CUX1: variants seen among roughly 807,000 people sequenced by gnomAD.
The protein encoded by CUX1 is cut like homeobox 1.
In CUX1, 31 loss-of-function variants were observed where a neutral mutation model predicts 158.8. That is an observed-to-expected ratio of 0.20 (90% CI 0.15 to 0.26). CUX1 has a LOEUF of 0.26. CUX1 is among the 10% of genes least tolerant of loss of function. The probability of loss-of-function intolerance (pLI) is 1.00; values close to 1 mark genes in which losing one functional copy is unlikely to be tolerated. For synonymous variants in CUX1, 879 were observed against 862.1 expected (o/e 1.02, Z -0.34); for missense variants, 1,589 against 2,014.6 (o/e 0.79, Z 4.04).
At chr7:102,149,543 G>A (rs1180622194) in intron 8 of CUX1, among the ~76,000 whole-genome samples, 1 of 152,186 alleles carries the variant, frequency 6.6e-6, no homozygotes, top group African/African-American at 2.4e-5. Flanking sequence ...TCCCTTGGGT[G>A]TGGTTCATGG....
At chr7:101,923,861 C>T (rs547671487) in intron 2 of CUX1, among the ~76,000 whole-genome samples, 2 of 152,344 alleles carry the variant, frequency 1.3e-5, no homozygotes, top group South Asian at 4.1e-4. Flanking sequence ...TGCCCATCCA[C>T]TTTCTTTTCC....
At chr7:102,216,611 CACACT>C (rs1554524733) in intron 20 of CUX1, among the ~76,000 whole-genome samples, 6 of 86,074 alleles carry the variant, frequency 7.0e-5, no homozygotes, top group South Asian at 4.9e-4. Context: ...CACACACACA[CACACT>C]CCCCACACAC....
In CUX1 at chr7:102,201,841, C is replaced by T. The variant is rs373275150; in HGVS notation, c.2544C>T (p.Gly848=). 7 of 1,612,808 alleles carry T rather than the reference C, an allele frequency of 4.3e-6. No individual in the cohort carries two copies. The highest frequency in any genetic ancestry group is 1.3e-5 in the African/African-American group (1 of 74,752). The change falls in exon 18 of 24, where the codon GGC becomes GGT. Residue 848 remains glycine (G), a synonymous_variant. Coordinates refer to ENST00000292535, the MANE Select transcript of CUX1 (RefSeq NM_181552.4). This position sits in a 1 kb window ranked among gnomAD's most constrained non-coding sequence, Gnocchi z 5.0. ...SEEAKAEETG[G]GKEKGSGGSG... is the part of the protein sequence containing the mutation. Reference sequence around the variant, plus strand: ...AGGCCAAGGCCGAAGAAACGGGCGGCGGGAAAGAGAAGGGCAGCGGTGGCA... The same window carrying T: ...AGGCCAAGGCCGAAGAAACGGGCGGTGGGAAAGAGAAGGGCAGCGGTGGCA...
chr7:102,092,598 G>A (rs1365170220), intron 4 of CUX1, among the ~76,000 whole-genome samples: 2 of 152,130 alleles, frequency 1.3e-5, no homozygotes, highest in Non-Finnish European at 2.9e-5. Context: ...AACATCATAA[G>A]TTGAAAATAT....
intron 1 of CUX1, among the ~76,000 whole-genome samples, chr7:101,842,567 T>A (rs1158103367): frequency 2.0e-5 from 3 of 152,202 alleles, no homozygotes; most frequent in East Asian, 3.9e-4. Context: ...TTCCTAGTTT[T>A]AGTAGACTGG....
chr7:102,231,196 A>ATT (rs1223058669), intron 21 of CUX1, among the ~76,000 whole-genome samples: 1 of 151,638 alleles, frequency 6.6e-6, no homozygotes, highest in African/African-American at 2.4e-5. Context: ...TGCCCGGCTA[A>ATT]TTTTTTTGTA....
intron 11 of CUX1, among the ~76,000 whole-genome samples, chr7:102,184,456 C>T (rs1554514757): frequency 6.6e-6 from 1 of 152,120 alleles, no homozygotes; most frequent in African/African-American, 2.4e-5. Flanking sequence ...CACCACTGTC[C>T]TTTGAAAACC....
At chr7:101,933,684 G>A (rs752468938) in intron 2 of CUX1, among the ~76,000 whole-genome samples, 17 of 152,178 alleles carry the variant, frequency 1.1e-4, no homozygotes, top group Admixed American at 2.6e-4. Context: ...CCCGTTGACC[G>A]TTTTGATCAT....
chr7:101,953,428 C>T (rs1809352940), intron 2 of CUX1, among the ~76,000 whole-genome samples: 1 of 152,152 alleles, frequency 6.6e-6, no homozygotes, highest in Admixed American at 6.5e-5. Context: ...TCGGCCTTCT[C>T]GTTGATGAAA....
intron 2 of CUX1, among the ~76,000 whole-genome samples, chr7:102,010,396 CAA>C (rs35965710): frequency 8.3e-4 from 75 of 90,230 alleles, no homozygotes; most frequent in African/African-American, 2.0e-3. Flanking sequence ...GACTCTGTCT[CAA>C]AAAAAAAAAA....
At chr7:102,226,960 T>A (rs1271486472) in intron 20 of CUX1, among the ~76,000 whole-genome samples, 4 of 152,162 alleles carry the variant, frequency 2.6e-5, no homozygotes, top group African/African-American at 7.2e-5. Context: ...ACAATCTGTC[T>A]ATGCTTTTTG....
rs138388909 is a variant in CUX1, at chr7:101,940,687, G to C, written c.141+24462G>C. ...CTTATTAGATTGTAAGCTCTGGGGA[G>C]GTAAGACCAGCACTTCCACCCTCCC... On this transcript the variant is annotated intron_variant, in intron 2 of 23. Transcript: ENST00000292535. Among the ~76,000 whole-genome samples, 822 of 152,212 alleles carry C rather than the reference G, an allele frequency of 5.4e-3. 5 individuals carry two copies. The highest frequency in any genetic ancestry group is 0.019 in the African/African-American group (783 of 41,512).
chr7:102,070,994 C>T lies in CUX1; in HGVS notation c.268+577C>T, dbSNP rs141372658. 4.9e-3 allele frequency among the ~76,000 whole-genome samples: 745 copies of T among 151,914 alleles called. 7 individuals are homozygous for T. Among genetic ancestry groups the T allele is most frequent in the African/African-American group, 0.017 (691 of 41,442 alleles). ...TTTTTGAGACAGGGTCTCGCTCTGT[C>T]GCCCAGGCTGGAGTGCAGTGGCACA... On this transcript the variant is annotated intron_variant, in intron 4 of 23. Transcript: ENST00000292535.
intron 6 of CUX1, among the ~76,000 whole-genome samples, chr7:102,107,007 C>A (rs1830427432): frequency 1.3e-5 from 2 of 151,614 alleles, no homozygotes. Context: ...GCAGGAGGAT[C>A]CCTTGAACTC....
chr7:102,172,932 G>A (rs1468290015), intron 10 of CUX1, among the ~76,000 whole-genome samples: 1 of 152,094 alleles, frequency 6.6e-6, no homozygotes, highest in African/African-American at 2.4e-5. Flanking sequence ...ATGGTGGTAT[G>A]TGCCTGTAGT....
chr7:102,167,909 C>T (rs2131655407), intron 9 of CUX1, among the ~76,000 whole-genome samples: 1 of 151,966 alleles, frequency 6.6e-6, no homozygotes, highest in Admixed American at 6.6e-5. Context: ...AAAACCCCGT[C>T]TCTACAAAAA....
At chr7:102,200,489 T>A (rs1554519350) in intron 17 of CUX1, among the ~76,000 whole-genome samples, 1 of 152,050 alleles carries the variant, frequency 6.6e-6, no homozygotes, top group East Asian at 1.9e-4. Context: ...ACTATAGACA[T>A]GTGCCACCAT....
At chr7:102,141,463 TC>T (rs1485691215) in intron 8 of CUX1, among the ~76,000 whole-genome samples, 3 of 152,126 alleles carry the variant, frequency 2.0e-5, no homozygotes, top group African/African-American at 7.2e-5. Context: ...CTTGGGTTGG[TC>T]AGAAGATGCC....
chr7:101,839,911 G>A (rs984270119), intron 1 of CUX1, among the ~76,000 whole-genome samples: 6 of 152,044 alleles, frequency 3.9e-5, no homozygotes, highest in African/African-American at 9.7e-5. Context: ...ACAGGCATGC[G>A]CCACCACACC....
Sources: gnomAD v4.1 joint callset for allele counts (sites outside exome capture counted in the v4.1 genomes callset) on GRCh38, gnomAD v4.1.1 for gene constraint, Gnocchi (gnomAD v3.1) non-coding constraint, MANE v1.5 for transcripts, NCBI Gene and HGNC (gene_info 2026-07-23, HGNC 2026-07-21) for gene names.